MMP24: variants seen among roughly 807,000 people sequenced by gnomAD.
The protein encoded by MMP24 is matrix metalloproteinase-24.
MMP24 carries 25 observed loss-of-function variants against 62.8 expected under a neutral mutation model. The observed-to-expected ratio is 0.40, with a 90% CI of 0.29 to 0.56. MMP24 has a LOEUF of 0.56. Among genes scored for constraint, MMP24 ranks in the 20% least tolerant of loss-of-function variants. The probability of loss-of-function intolerance (pLI) is 0.50; values close to 1 mark genes in which losing one functional copy is unlikely to be tolerated. For missense variants in MMP24, 634 were observed against 853.6 expected, an observed-to-expected ratio of 0.74 and a Z score of 3.21; for synonymous variants, 319 against 350.5, an observed-to-expected ratio of 0.91 and a Z score of 1.00.
chr20:35,260,738 T>C (rs2060598348), intron 4 of MMP24, among the ~76,000 whole-genome samples: 1 of 152,178 alleles, frequency 6.6e-6, no homozygotes. Context: ...ATCTTGCCCA[T>C]CCCCCTTCCT....
At chr20:35,257,541 G>C (rs1160341922) in intron 4 of MMP24, among the ~76,000 whole-genome samples, 1 of 152,200 alleles carries the variant, frequency 6.6e-6, no homozygotes, top group Non-Finnish European at 1.5e-5. Context: ...GAGTTGTCCA[G>C]AGGCAACGGG....
In MMP24 at chr20:35,261,667, C is replaced by A. The variant is rs140926878; in HGVS notation, c.818-2124C>A. On this transcript the variant is annotated intron_variant, in intron 4 of 8. Coordinates refer to ENST00000246186, the MANE Select transcript of MMP24 (RefSeq NM_006690.4). ...GCCAACAGTTCCCTGCTTCCACAAC[C>A]AAGGTCCTGCAGAGAGCTGCCCACG... Among the ~76,000 whole-genome samples, 830 of 152,268 alleles carry A rather than the reference C, an allele frequency of 5.5e-3. 5 individuals carry two copies. The highest frequency in any genetic ancestry group is 0.011 in the Admixed American group (162 of 15,292).
intron 1 of MMP24, 127 bp downstream of exon 1, chr20:35,227,111 T>G: frequency 1.3e-6 from 1 of 755,604 alleles, no homozygotes; most frequent in Non-Finnish European, 1.6e-6. Context: ...GCGCCGGGGG[T>G]CCGCGCCTTG....
chr20:35,271,396 C>A lies in MMP24; in HGVS notation c.1334-173C>A, dbSNP rs2060668229. Among the ~76,000 whole-genome samples, 1 of 152,182 alleles carries A rather than the reference C, an allele frequency of 6.6e-6. No homozygotes were observed. The highest frequency in any genetic ancestry group is 1.9e-4 in the East Asian group (1 of 5,198). On this transcript the variant is annotated intron_variant, in intron 7 of 8. Coordinates refer to ENST00000246186, the MANE Select transcript of MMP24 (RefSeq NM_006690.4). The surrounding 1 kb of genome is among the most constrained non-coding windows in gnomAD (Gnocchi z 4.0). The stretch of plus-strand genomic sequence containing the variant: ...AAGAGGGTGGGACTCGGAGCCCAGG[C>A]AGCAGAGGCAAGTTGTCCAGGATCT...
chr20:35,239,656 A>G (rs1047007315), intron 1 of MMP24, among the ~76,000 whole-genome samples: 2 of 152,170 alleles, frequency 1.3e-5, no homozygotes, highest in Non-Finnish European at 2.9e-5. Flanking sequence ...CTTCGTCTCC[A>G]CAAAAGATTA....
intron 2 of MMP24, among the ~76,000 whole-genome samples, chr20:35,250,698 G>A (rs893474797): frequency 5.9e-5 from 9 of 151,986 alleles, no homozygotes; most frequent in Non-Finnish European, 1.2e-4. Context: ...ACTTTCAATC[G>A]TAGTAGAAGG....
chr20:35,245,171 T>C (rs2060508168), intron 1 of MMP24, among the ~76,000 whole-genome samples: 1 of 152,038 alleles, frequency 6.6e-6, no homozygotes. Context: ...GGACCATGGG[T>C]GCACACCAGC....
chr20:35,263,833 C>T lies in MMP24; in HGVS notation c.860C>T (p.Ala287Val). The T allele has an allele frequency of 6.2e-7, 1 of 1,605,594 alleles. No individual in the cohort carries two copies. The highest frequency in any genetic ancestry group is 8.5e-7 in the Non-Finnish European group (1 of 1,176,012). ...GTGGCTGTGCATGAGCTGGGCCACG[C>T]GCTGGGACTGGAGCACTCCAGCGAC... ...FLVAVHELGH[A>V]LGLEHSSDPS... The change falls in exon 5 of 9, where the codon GCG becomes GTG. Residue 287 changes from alanine (A) to valine (V), a missense_variant. Ala to Val is a moderately conservative substitution (Grantham distance 64). Around this residue, in one of 3 missense-constraint regions of MMP24, gnomAD observed 399 missense variants for 530.8 expected, o/e 0.75. Coordinates refer to ENST00000246186, the MANE Select transcript of MMP24 (RefSeq NM_006690.4).
At chr20:35,259,794 C>A (rs890774653) in intron 4 of MMP24, among the ~76,000 whole-genome samples, 4 of 152,148 alleles carry the variant, frequency 2.6e-5, no homozygotes, top group African/African-American at 9.7e-5. Context: ...CAGGGACTTA[C>A]AGGAACACAC....
intron 2 of MMP24, among the ~76,000 whole-genome samples, chr20:35,250,223 G>C (rs1031032267): frequency 6.6e-6 from 1 of 152,114 alleles, no homozygotes; most frequent in African/African-American, 2.4e-5. Flanking sequence ...AAAGTGCTAG[G>C]ATTATAGGTG....
chr20:35,274,350 G>C lies in MMP24; in HGVS notation c.1679G>C (p.Arg560Pro). The C allele has an allele frequency of 6.2e-7, 1 of 1,613,916 alleles. No individual in the cohort carries two copies. The highest frequency in any genetic ancestry group is 1.3e-5 in the African/African-American group (1 of 75,046). ...QKLSVEPGYP[R>P]NILRDWMGCN... ...CTGAGCGTGGAGCCAGGCTACCCGC[G>C]CAACATCCTGCGTGACTGGATGGGC... Residue 560 changes from arginine to proline, a missense_variant, in exon 9 of 9, where the codon CGC (arginine) becomes CCC (proline). Arg to Pro is a moderately radical substitution (Grantham distance 103, BLOSUM62 -2). This residue lies in a region of MMP24 where 399 missense variants were observed against 530.8 expected (regional missense o/e 0.75). Transcript: ENST00000246186. The surrounding 1 kb of genome is among the most constrained non-coding windows in gnomAD (Gnocchi z 5.1).
chr20:35,264,707 CAAAAAAAAAAAAAAAAAAA>C (rs57309455), intron 5 of MMP24, among the ~76,000 whole-genome samples: 1 of 43,524 alleles, frequency 2.3e-5, no homozygotes, highest in African/African-American at 6.6e-5. Flanking sequence ...GACTCCGTCT[CAAAAAAAAAAAAAAAAAAA>C]AAAAAAAAAA....
rs373013036 is a variant in MMP24 at position 35,255,337 on chromosome 20, A to G, written c.817+583A>G. Among the ~76,000 whole-genome samples the G allele has an allele frequency of 1.3e-4, 20 of 152,276 alleles. No individual in the cohort carries two copies. The East Asian group carries it at 3.3e-3, about 25-fold the overall frequency. Reference sequence around the variant, plus strand: ...CAAGAGTGAAACTCCATCTCAAAAAAAAAAAAAGTTAAAAGGCATTAAAGC... The same window carrying G: ...CAAGAGTGAAACTCCATCTCAAAAAGAAAAAAAGTTAAAAGGCATTAAAGC... On this transcript the variant is annotated intron_variant, in intron 4 of 8. Coordinates refer to ENST00000246186, the MANE Select transcript of MMP24 (RefSeq NM_006690.4).
At chr20:35,262,136 T>C (rs976698125) in intron 4 of MMP24, among the ~76,000 whole-genome samples, 13 of 152,114 alleles carry the variant, frequency 8.5e-5, no homozygotes, top group Middle Eastern at 6.8e-3. Context: ...TAGGGGTGGG[T>C]TGCCCCTCCA....
intron 1 of MMP24, among the ~76,000 whole-genome samples, chr20:35,232,130 T>A (rs1196416880): frequency 1.3e-5 from 2 of 152,250 alleles, no homozygotes; most frequent in Non-Finnish European, 2.9e-5. Flanking sequence ...AAGTTTCCTG[T>A]TCTGGATTAT....
chr20:35,263,603 C>T, intron 4 of MMP24, 188 bp from the exon 5 acceptor site: 2 of 452,310 alleles, frequency 4.4e-6, no homozygotes, highest in Non-Finnish European at 3.9e-6. Context: ...CACTCTCTCT[C>T]TCCTTGTCCC....
intron 1 of MMP24, among the ~76,000 whole-genome samples, chr20:35,242,949 A>T (rs968610885): frequency 2.0e-5 from 3 of 152,078 alleles, no homozygotes; most frequent in African/African-American, 7.2e-5. Context: ...AGGCCAAGGC[A>T]GGTGTATCAC....
At chr20:35,264,999 G>A (rs2060625420) in intron 5 of MMP24, among the ~76,000 whole-genome samples, 1 of 152,172 alleles carries the variant, frequency 6.6e-6, no homozygotes, top group Non-Finnish European at 1.5e-5. Context: ...GGACAGGCAG[G>A]ACCTCCACAA....
intron 1 of MMP24, among the ~76,000 whole-genome samples, chr20:35,234,956 G>C (rs904812245): frequency 6.6e-6 from 1 of 152,160 alleles, no homozygotes; most frequent in Non-Finnish European, 1.5e-5. Flanking sequence ...CATTGTAAGG[G>C]TTGTTGTGTC....
Sources: allele counts gnomAD v4.1 joint callset (sites outside exome capture counted in the v4.1 genomes callset), GRCh38; gene constraint gnomAD v4.1.1; regional missense constraint gnomAD v4.1.1; non-coding constraint Gnocchi (gnomAD v3.1); transcripts MANE v1.5; gene names NCBI Gene and HGNC (gene_info 2026-07-23, HGNC 2026-07-21).